The following TRIM36 variants were observed in gnomAD, a reference collection of about 807,000 sequenced individuals.
The protein encoded by TRIM36 is tripartite motif containing 36, also known as E3 ubiquitin-protein ligase TRIM36.
A neutral mutation model predicts 72.4 loss-of-function variants in TRIM36; 42 were observed. That is an observed-to-expected ratio of 0.58 (90% CI 0.45 to 0.75). The LOEUF (loss-of-function observed/expected upper bound fraction) is 0.75. Among genes scored for constraint, TRIM36 ranks in the 30% least tolerant of loss-of-function variants. The probability of loss-of-function intolerance (pLI) is 0.00; values close to 1 mark genes in which losing one functional copy is unlikely to be tolerated. For synonymous variants in TRIM36, 315 were observed against 282.8 expected, an observed-to-expected ratio of 1.11 and a Z score of -1.14; for missense variants, 913 against 857.1, an observed-to-expected ratio of 1.07 and a Z score of -0.81.
chr5:115,157,207 T>C (rs2112884250), intron 2 of TRIM36, among the ~76,000 whole-genome samples: 1 of 150,670 alleles, frequency 6.6e-6, no homozygotes, highest in East Asian at 1.9e-4. Context: ...ACTTCCACTC[T>C]GCTGGTGGGA....
At chr5:115,177,768 A>G (rs757494898) in intron 1 of TRIM36, 2 of 1,614,086 alleles carry the variant, frequency 1.2e-6, no homozygotes, top group Non-Finnish European at 1.7e-6. Context: ...TTCTTGGGAG[A>G]GACTGCTTTC....
chr5:115,132,271 C>G (rs550641084), intron 8 of TRIM36, among the ~76,000 whole-genome samples: 2 of 151,324 alleles, frequency 1.3e-5, no homozygotes, highest in African/African-American at 2.4e-5. Context: ...TGGTGGCTCA[C>G]GTCTATAATT....
chr5:115,170,023 C>A (rs915483970), upstream of TRIM36: 2 of 1,037,508 alleles, frequency 1.9e-6, no homozygotes, highest in African/African-American at 1.7e-5. Flanking sequence ...GCGGGGCCGC[C>A]TGGGGCTGGT....
At chr5:115,164,312 G>A (rs1482082610) in intron 1 of TRIM36, among the ~76,000 whole-genome samples, 1 of 152,168 alleles carries the variant, frequency 6.6e-6, no homozygotes, top group African/African-American at 2.4e-5. Flanking sequence ...AGGTTCTCAT[G>A]CTGTATATCA....
chr5:115,150,066 C>A (rs1753809410), intron 2 of TRIM36, among the ~76,000 whole-genome samples: 1 of 152,156 alleles, frequency 6.6e-6, no homozygotes, highest in Admixed American at 6.5e-5. Flanking sequence ...GCCCAATGTG[C>A]TTAAATATTT....
chr5:115,136,966 A>T (rs977481561), intron 7 of TRIM36, 34 bp downstream of exon 7: 2 of 1,532,160 alleles, frequency 1.3e-6, no homozygotes, highest in African/African-American at 2.8e-5. Context: ...ATTCAGACAA[A>T]AAGAATGAGG....
intron 9 of TRIM36, among the ~76,000 whole-genome samples, chr5:115,129,780 T>C (rs1752550386): frequency 6.6e-6 from 1 of 152,210 alleles, no homozygotes; most frequent in African/African-American, 2.4e-5. Context: ...AAAAAACTTA[T>C]ATAAAATTTT....
chr5:115,160,420 G>A (rs1405037579), intron 2 of TRIM36, among the ~76,000 whole-genome samples: 1 of 152,008 alleles, frequency 6.6e-6, no homozygotes, highest in Non-Finnish European at 1.5e-5. Context: ...TTTTTATTCT[G>A]TGTATTTTAA....
chr5:115,135,223 T>C (rs1752898662), intron 7 of TRIM36, among the ~76,000 whole-genome samples: 1 of 152,126 alleles, frequency 6.6e-6, no homozygotes, highest in Non-Finnish European at 1.5e-5. Flanking sequence ...CTATAAAAGC[T>C]ACACACACAC....
At chr5:115,141,148 A>G (rs1444747198) in intron 5 of TRIM36, 131 bp downstream of exon 5, 1 of 635,330 alleles carries the variant, frequency 1.6e-6, no homozygotes, top group East Asian at 3.1e-5. Flanking sequence ...GCCCCAGAAA[A>G]GCAGGGGTGA....
chr5:115,146,912 C>T (rs1450437994), intron 3 of TRIM36, among the ~76,000 whole-genome samples, 157 bp downstream of exon 3: 1 of 152,188 alleles, frequency 6.6e-6, no homozygotes, highest in African/African-American at 2.4e-5. Context: ...GTAAGTAACT[C>T]CAGCCAACTA....
intron 4 of TRIM36, 63 bp downstream of exon 4, chr5:115,144,535 A>C: frequency 7.5e-6 from 12 of 1,590,716 alleles, no homozygotes; most frequent in Non-Finnish European, 8.6e-6. Flanking sequence ...TTATAAATGA[A>C]AAGTTAAAGG....
At chr5:115,164,920 C>T (rs1754680970) in intron 1 of TRIM36, among the ~76,000 whole-genome samples, 1 of 152,224 alleles carries the variant, frequency 6.6e-6, no homozygotes, top group African/African-American at 2.4e-5. Flanking sequence ...TGGACAAATG[C>T]TCCCATTCCA....
chr5:115,131,769 C>T (rs921784222), intron 8 of TRIM36, among the ~76,000 whole-genome samples: 1 of 151,888 alleles, frequency 6.6e-6, no homozygotes, highest in Admixed American at 6.6e-5. Flanking sequence ...GATAAATAAG[C>T]CAGATGTAAA....
At chr5:115,171,222 T>A, upstream of TRIM36, 1 of 1,614,180 alleles carries the variant, frequency 6.2e-7, no homozygotes, top group Non-Finnish European at 8.5e-7. Context: ...CAATCCGGCA[T>A]CTAAATAAGG....
Position 115,126,593 on chromosome 5 carries a change from C to T in TRIM36, c.2061G>A (p.Leu687=), listed in dbSNP as rs1161908626. ...TGCCCATTAATGCAAATGCTGGATACAGTGTATGTGAACAGTCCACTTGGC... is the reference window on the plus strand; with the variant it reads ...TGCCCATTAATGCAAATGCTGGATATAGTGTATGTGAACAGTCCACTTGGC... ...YERQVDCSHT[L]YPAFALMGSG... is the part of the protein sequence containing the mutation. Residue 687 remains leucine (L), a synonymous_variant, in exon 10 of 10, where the codon CTG becomes CTA. Transcript: ENST00000513154. 6.2e-7 allele frequency: 1 copy of T among 1,614,012 alleles called. No individual in the cohort carries two copies. Among genetic ancestry groups the T allele is most frequent in the Non-Finnish European group, 8.5e-7 (1 of 1,180,010 alleles).
intron 2 of TRIM36, among the ~76,000 whole-genome samples, chr5:115,156,030 A>G (rs1171993501): frequency 6.6e-6 from 1 of 152,170 alleles, no homozygotes; most frequent in Non-Finnish European, 1.5e-5. Flanking sequence ...TGAGAATCAA[A>G]TCAATAACTC....
intron 5 of TRIM36, among the ~76,000 whole-genome samples, chr5:115,140,335 A>G (rs1753209338): frequency 6.6e-6 from 1 of 152,222 alleles, no homozygotes; most frequent in Non-Finnish European, 1.5e-5. Context: ...AAGTCAGTGA[A>G]GAATATCTGG....
At chr5:115,161,852 G>A (rs1315583146) in intron 2 of TRIM36, among the ~76,000 whole-genome samples, 5 of 101,284 alleles carry the variant, frequency 4.9e-5, no homozygotes, top group African/African-American at 1.3e-4. Flanking sequence ...TAAAATGAAG[G>A]AGAGTCCTAT....
Sources: gnomAD v4.1 joint callset for allele counts (sites outside exome capture counted in the v4.1 genomes callset) on GRCh38, gnomAD v4.1.1 for gene constraint, MANE v1.5 for transcripts, NCBI Gene and HGNC (gene_info 2026-07-23, HGNC 2026-07-21) for gene names.